INKA2: variants seen among roughly 807,000 people sequenced by gnomAD.
INKA2 encodes PAK4-inhibitor INKA2.
A neutral mutation model predicts 9.8 loss-of-function variants in INKA2; 3 were observed. That is an observed-to-expected ratio of 0.31 (90% CI 0.14 to 0.79). The LOEUF (loss-of-function observed/expected upper bound fraction) is 0.79, where lower values mean the gene tolerates loss of function less well. INKA2 is among the 30% of genes least tolerant of loss of function. INKA2 has a pLI of 0.62. For synonymous variants in INKA2, 147 were observed against 143.3 expected (o/e 1.03, Z -0.18); for missense variants, 392 against 384.4 (o/e 1.02, Z -0.17).
rs1326761139 is a variant in INKA2 at position 111,724,949 on chromosome 1, G to A, written c.*2019C>T. 6.6e-6 allele frequency: 1 copy of A among 152,162 alleles called. No homozygotes were observed. The highest frequency in any genetic ancestry group is 1.9e-4 in the East Asian group (1 of 5,190). 9.4% of individuals were successfully genotyped at this position (152,162 alleles called of 1,614,324 possible). On this transcript the variant is annotated 3_prime_UTR_variant, in exon 2 of 2. Transcript: ENST00000357260. ...TAGGGTCCTTCTAAGTTTGAGAGAT[G>A]TGCACATTACCTGACAGACAGTGAG... is the stretch of plus-strand genomic sequence containing the variant.
chr1:111,755,517 C>G (rs1663519930), intron 1 of INKA2: 2 of 652,470 alleles, frequency 3.1e-6, no homozygotes, highest in Non-Finnish European at 2.5e-6. Context: ...GACAGGCCAG[C>G]GGAACGGAAA....
At position 111,724,593 on chromosome 1, in the gene INKA2, A is replaced by G; in HGVS notation, c.*2375T>C. The stretch of plus-strand genomic sequence containing the variant: ...CACACACACACACACACACACACAC[A>G]CACACACCACCACTACCACCACCAC... On this transcript the variant is annotated 3_prime_UTR_variant, in exon 2 of 2. Coordinates refer to ENST00000357260, the MANE Select transcript of INKA2 (RefSeq NM_019099.5). 6.7e-6 allele frequency: 1 copy of G among 148,326 alleles called. No individual in the cohort carries two copies. The highest frequency in any genetic ancestry group is 1.5e-5 in the Non-Finnish European group (1 of 66,946). 9.2% of individuals were successfully genotyped at this position (148,326 alleles called of 1,614,324 possible). A position where few individuals can be genotyped will look rare whatever the true frequency, so the allele number is the denominator to read the frequency against.
rs527587973 is a variant in INKA2 at position 111,755,151 on chromosome 1, C to T, written n.124+550G>A. On this transcript the variant is annotated intron_variant and non_coding_transcript_variant, in intron 1 of 1. Transcript: ENST00000444059. ...TGCTGCGGAGGCGGATGCATGGAGGCGGATGCGGAGGCGGATGCATGGAGG... is the reference window on the plus strand; with the variant it reads ...TGCTGCGGAGGCGGATGCATGGAGGTGGATGCGGAGGCGGATGCATGGAGG... The T allele has an allele frequency of 4.3e-4, 69 of 158,656 alleles. 3 individuals carry two copies. In the South Asian group the frequency reaches 0.011, roughly 26 times the overall value. 9.8% of individuals were successfully genotyped at this position (158,656 alleles called of 1,614,324 possible).
Position 111,727,381 on chromosome 1 carries a change from C to T in INKA2, c.481G>A (p.Val161Ile), listed in dbSNP as rs376225653. ...CAATTGCCCACCAGGTCTGCAAAAA[C>T]GTTGTCCCCTAACACCAGAGGCTGT... ...NRQPLVLGDN[V>I]FADLVGNWLD... Residue 161 changes from valine (V) to isoleucine (I), a missense_variant, in exon 2 of 2, where the codon GTT (valine) becomes ATT (isoleucine). Transcript: ENST00000357260. 1.2e-5 allele frequency: 20 copies of T among 1,613,802 alleles called. No homozygotes were observed. The highest frequency in any genetic ancestry group is 4.0e-5 in the African/African-American group (3 of 74,922).
At chr1:111,737,409 C>T (rs1663029621) in intron 1 of INKA2, among the ~76,000 whole-genome samples, 1 of 152,106 alleles carries the variant, frequency 6.6e-6, no homozygotes, top group Non-Finnish European at 1.5e-5. Context: ...AAAATTCGAG[C>T]CCATGCCAGG....
rs180807512 is a variant in INKA2, at chr1:111,733,660, G to A, written c.57+5526C>T. Among the ~76,000 whole-genome samples, 861 of 152,300 alleles carry A rather than the reference G, an allele frequency of 5.7e-3. 6 individuals are homozygous for A. Among genetic ancestry groups the A allele is most frequent in the Non-Finnish European group, 9.0e-3 (615 of 68,020 alleles). ...CAGATCCCACCATCCTGGACTTCCA[G>A]CCCTGAGCCCCACAGAGGTTGTGTG... is the stretch of plus-strand genomic sequence containing the variant. On this transcript the variant is annotated intron_variant, in intron 1 of 1. Transcript: ENST00000357260.
At chr1:111,728,081 C>T (rs1318627702) in intron 1 of INKA2, among the ~76,000 whole-genome samples, 5 of 93,942 alleles carry the variant, frequency 5.3e-5, no homozygotes, top group Admixed American at 3.0e-4. Flanking sequence ...ACAGACATTT[C>T]ATCTCCCCAA....
At chr1:111,750,481 C>T (rs1663382098) in intron 1 of INKA2, among the ~76,000 whole-genome samples, 1 of 152,180 alleles carries the variant, frequency 6.6e-6, no homozygotes, top group African/African-American at 2.4e-5. Flanking sequence ...GTTCACTGAA[C>T]AGATGGCTCA....
chr1:111,733,229 G>A (rs1662949156), intron 1 of INKA2, among the ~76,000 whole-genome samples: 1 of 152,200 alleles, frequency 6.6e-6, no homozygotes, highest in South Asian at 2.1e-4. Flanking sequence ...GAGGGAACTT[G>A]TGTGAAGTGT....
intron 1 of INKA2, chr1:111,746,061 A>G (rs1453132101): frequency 6.6e-6 from 1 of 152,150 alleles, no homozygotes; most frequent in African/African-American, 2.4e-5. Context: ...GTTTTTCAGG[A>G]GCCAGAGAAT....
chr1:111,751,408 G>T (rs911839509), intron 1 of INKA2, among the ~76,000 whole-genome samples: 2 of 152,224 alleles, frequency 1.3e-5, no homozygotes, highest in Admixed American at 1.3e-4. Context: ...ACCAGCTTGT[G>T]CTACTTGCAT....
chr1:111,732,091 C>T (rs1190643957), intron 1 of INKA2, among the ~76,000 whole-genome samples: 1 of 152,192 alleles, frequency 6.6e-6, no homozygotes, highest in Non-Finnish European at 1.5e-5. Flanking sequence ...CTGGGAGGGC[C>T]AGGACAGTGG....
intron 1 of INKA2, among the ~76,000 whole-genome samples, chr1:111,750,978 A>G (rs1663395862): frequency 6.6e-6 from 1 of 152,168 alleles, no homozygotes; most frequent in African/African-American, 2.4e-5. Flanking sequence ...ACGCCTCTAC[A>G]CAAACTGTTC....
intron 1 of INKA2, among the ~76,000 whole-genome samples, chr1:111,752,549 A>G (rs174734): frequency 0.14 from 20,651 of 152,204 alleles, 1,609 homozygotes; most frequent in African/African-American, 0.21. Flanking sequence ...AATATTGCCT[A>G]CCTTGTGTTG....
At chr1:111,733,786 G>C (rs948548171) in intron 1 of INKA2, among the ~76,000 whole-genome samples, 1 of 152,100 alleles carries the variant, frequency 6.6e-6, no homozygotes, top group Admixed American at 6.5e-5. Flanking sequence ...CAGCATCCTC[G>C]GCTCCCTTCC....
upstream of INKA2, among the ~76,000 whole-genome samples, chr1:111,740,276 CG>C (rs1325392518): frequency 6.6e-6 from 1 of 152,226 alleles, no homozygotes; most frequent in Non-Finnish European, 1.5e-5. Flanking sequence ...GCTCTAAGGC[CG>C]GGACGCTCCT....
rs1250038995 is a variant in INKA2, at chr1:111,727,415, G to T, written c.447C>A (p.Gly149=). ...DDWTSTLMSR[G]RNRQPLVLGD... ...CTAACACCAGAGGCTGTCGATTCCG[G>T]CCCCGGGACATCAACGTGGAGGTCC... Residue 149 remains glycine (G), a synonymous_variant, in exon 2 of 2, where the codon GGC becomes GGA. Coordinates refer to ENST00000357260, the MANE Select transcript of INKA2 (RefSeq NM_019099.5). The T allele has an allele frequency of 1.9e-6, 3 of 1,614,132 alleles. No homozygotes were observed. The highest frequency in any genetic ancestry group is 2.5e-6 in the Non-Finnish European group (3 of 1,180,016).
chr1:111,739,191 C>T lies in INKA2; in HGVS notation c.52G>A (p.Glu18Lys). The change falls in exon 1 of 2, where the codon GAG becomes AAG. Residue 18 changes from glutamate (E) to lysine (K), a missense_variant. By Grantham distance (56) the Glu-to-Lys change is moderately conservative. Transcript: ENST00000357260. ...MDCYLRRLKQ[E>K]LMSMKEVGDG... ...GGCGCCAGCTTCGCTCTTACCAGCT[C>T]CTGTTTGAGGCGACGGAGATAGCAG... 6.2e-7 allele frequency: 1 copy of T among 1,613,658 alleles called. No individual in the cohort carries two copies. The highest frequency in any genetic ancestry group is 8.5e-7 in the Non-Finnish European group (1 of 1,179,718).
chr1:111,727,445 A>G lies in INKA2; in HGVS notation c.417T>C (p.Asp139=), dbSNP rs982482893. The G allele has an allele frequency of 6.2e-7, 1 of 1,614,082 alleles. No individual in the cohort carries two copies. The part of the protein sequence containing the change: ...AQQGPERVEP[D]DWTSTLMSRG... Reference sequence around the variant, plus strand: ...GGGACATCAACGTGGAGGTCCAGTCATCCGGTTCCACTCGCTCTGGCCCCT... The same window carrying G: ...GGGACATCAACGTGGAGGTCCAGTCGTCCGGTTCCACTCGCTCTGGCCCCT... The change falls in exon 2 of 2, where the codon GAT becomes GAC. Residue 139 remains aspartate (D), a synonymous_variant. Coordinates refer to ENST00000357260, the MANE Select transcript of INKA2 (RefSeq NM_019099.5).
Sources: gnomAD v4.1 joint callset for allele counts (sites outside exome capture counted in the v4.1 genomes callset) on GRCh38, gnomAD v4.1.1 for gene constraint, MANE v1.5 for transcripts, NCBI Gene and HGNC (gene_info 2026-07-23, HGNC 2026-07-21) for gene names.